Variants in PKIB observed in about 807,000 individuals in gnomAD.
PKIB encodes the protein cAMP-dependent protein kinase inhibitor beta.
In PKIB, 2 loss-of-function variants were observed where a neutral mutation model predicts 4.5. That is an observed-to-expected ratio of 0.44 (90% CI 0.18 to 1.39). The LOEUF is 1.39. Ranked by LOEUF, PKIB falls within the 40% of genes most tolerant of loss-of-function variation. PKIB has a pLI of 0.27. For missense variants in PKIB, 94 were observed against 92.6 expected, an observed-to-expected ratio of 1.02 and a Z score of -0.06; for synonymous variants, 38 against 36.0, an observed-to-expected ratio of 1.06 and a Z score of -0.20.
Position 122,658,249 on chromosome 6 carries a change from T to TTA in PKIB, c.-75-16829_-75-16828insTA, listed in dbSNP as rs1776850565. ...GTTTGGGCCAAGTCATGTATATTATTCCTTGACAACATCAGGCACACATGA... is the reference window on the plus strand; with the variant it reads ...GTTTGGGCCAAGTCATGTATATTATTTACCTTGACAACATCAGGCACACATGA... On this transcript the variant is annotated intron_variant, in intron 2 of 4. Transcript: ENST00000368452. 2.6e-5 allele frequency among the ~76,000 whole-genome samples: 4 copies of TTA among 152,302 alleles called. 1 individual carries two copies. In the East Asian group the frequency reaches 5.8e-4, roughly 22 times the overall value.
exon 1 of PKIB, chr6:122,472,004 A>T (rs1775318319): frequency 1.3e-6 from 1 of 744,182 alleles, no homozygotes; most frequent in Admixed American, 3.4e-5. Context: ...TTAACGGCTA[A>T]TGTGGATCTG....
At chr6:122,571,027 T>G (rs925220070) in intron 2 of PKIB, among the ~76,000 whole-genome samples, 1 of 150,158 alleles carries the variant, frequency 6.7e-6, no homozygotes, top group African/African-American at 2.5e-5. Context: ...ATGAAAAAAT[T>G]TTCAGAGAGA....
intron 2 of PKIB, among the ~76,000 whole-genome samples, chr6:122,521,460 C>G (rs1346934102): frequency 6.6e-6 from 1 of 152,008 alleles, no homozygotes; most frequent in Non-Finnish European, 1.5e-5. Context: ...GCAGGCAGAT[C>G]ACGAGGTCAG....
chr6:122,514,048 C>T (rs1238788411), intron 2 of PKIB, among the ~76,000 whole-genome samples: 1 of 152,138 alleles, frequency 6.6e-6, no homozygotes, highest in East Asian at 1.9e-4. Flanking sequence ...GACTGATAAT[C>T]ACAGACAGGA....
intron 2 of PKIB, among the ~76,000 whole-genome samples, chr6:122,535,998 G>T (rs1029787732): frequency 4.6e-5 from 7 of 152,172 alleles, no homozygotes; most frequent in Non-Finnish European, 1.0e-4. Flanking sequence ...TTGAAGCGCA[G>T]TGGCGATCTC....
chr6:122,512,929 T>G (rs911493954), intron 2 of PKIB, among the ~76,000 whole-genome samples: 1 of 152,234 alleles, frequency 6.6e-6, no homozygotes, highest in African/African-American at 2.4e-5. Flanking sequence ...CTCCCTTTCA[T>G]AGTTTTCTCC....
intron 3 of PKIB, among the ~76,000 whole-genome samples, chr6:122,603,760 C>T (rs1395375768): frequency 6.6e-6 from 1 of 152,192 alleles, no homozygotes; most frequent in Non-Finnish European, 1.5e-5. Flanking sequence ...GGATTACAGG[C>T]ATGAACGACC....
chr6:122,609,745 T>G (rs935198095), upstream of PKIB, among the ~76,000 whole-genome samples: 1 of 152,220 alleles, frequency 6.6e-6, no homozygotes, highest in Admixed American at 6.5e-5. Flanking sequence ...AAAAGCACAG[T>G]GAGACCTTAG....
chr6:122,501,955 T>A lies in PKIB; in HGVS notation c.-248+24016T>A, dbSNP rs569416575. On this transcript the variant is annotated intron_variant, in intron 2 of 6. Coordinates refer to the PKIB transcript ENST00000392491. ...TTTTTTTTTTTTTTTTTTTTAATTT[T>A]ATTTTATTTTTTTCGAGATGGAGTT... Among the ~76,000 whole-genome samples, 458 of 150,682 alleles carry A rather than the reference T, an allele frequency of 3.0e-3. 2 individuals carry two copies. The highest frequency in any genetic ancestry group is 7.1e-3 in the African/African-American group (294 of 41,148).
At chr6:122,476,106 C>T (rs1775446027) in intron 1 of PKIB, among the ~76,000 whole-genome samples, 1 of 152,060 alleles carries the variant, frequency 6.6e-6, no homozygotes. Context: ...TACATCAACA[C>T]TAAATATAAT....
intron 2 of PKIB, among the ~76,000 whole-genome samples, chr6:122,509,676 C>T (rs1182083902): frequency 6.6e-6 from 1 of 151,784 alleles, no homozygotes; most frequent in African/African-American, 2.4e-5. Flanking sequence ...CGTGATCTGC[C>T]CACCTCGGCC....
intron 2 of PKIB, among the ~76,000 whole-genome samples, chr6:122,552,593 G>A (rs985678895): frequency 2.6e-5 from 4 of 151,972 alleles, no homozygotes; most frequent in Admixed American, 6.6e-5. Context: ...TGCCAGGCTC[G>A]TCTCAAACTC....
rs954070089 is a variant in PKIB at position 122,660,278 on chromosome 6, A to G, written c.-75-14800A>G. ...GCCCTTTACTTTGAAAGACAAGATG[A>G]TATGTTGGAAGAAACACTAGGCTGA... is the stretch of plus-strand genomic sequence containing the variant. On this transcript the variant is annotated intron_variant, in intron 2 of 4. Coordinates refer to ENST00000368452, the MANE Select transcript of PKIB (RefSeq NM_181795.3). 2.0e-5 allele frequency among the ~76,000 whole-genome samples: 3 copies of G among 152,212 alleles called. No individual in the cohort carries two copies. In the East Asian group the frequency reaches 5.8e-4, roughly 29 times the overall value.
At chr6:122,556,560 C>T (rs1772848053) in intron 2 of PKIB, among the ~76,000 whole-genome samples, 1 of 152,132 alleles carries the variant, frequency 6.6e-6, no homozygotes, top group Non-Finnish European at 1.5e-5. Flanking sequence ...GTCCATGCTC[C>T]CATACAAGCT....
intron 2 of PKIB, among the ~76,000 whole-genome samples, chr6:122,497,106 A>G (rs1776094210): frequency 6.6e-6 from 1 of 152,224 alleles, no homozygotes; most frequent in Non-Finnish European, 1.5e-5. Context: ...TCCAATCAAG[A>G]ATTTTATATC....
intron 3 of PKIB, among the ~76,000 whole-genome samples, chr6:122,598,929 AT>A (rs1774265729): frequency 6.6e-6 from 1 of 152,126 alleles, no homozygotes. Flanking sequence ...CATACCCCTA[AT>A]ATCCATTCCC....
intron 2 of PKIB, among the ~76,000 whole-genome samples, chr6:122,642,013 T>C (rs1211414426): frequency 2.0e-5 from 3 of 152,210 alleles, no homozygotes; most frequent in African/African-American, 4.8e-5. Context: ...AATTTTGAAT[T>C]GAGCTTCAGC....
At chr6:122,628,065 G>C (rs537991305) in intron 1 of PKIB, among the ~76,000 whole-genome samples, 1 of 148,162 alleles carries the variant, frequency 6.7e-6, no homozygotes, top group African/African-American at 2.5e-5. Flanking sequence ...TTGAGACAGA[G>C]TTTTGCTCTT....
At chr6:122,503,209 T>C (rs2114563263) in intron 2 of PKIB, among the ~76,000 whole-genome samples, 1 of 152,320 alleles carries the variant, frequency 6.6e-6, no homozygotes, top group East Asian at 1.9e-4. Flanking sequence ...AGGATTTCAG[T>C]ATATAAATTT....
Sources: allele counts gnomAD v4.1 joint callset (sites outside exome capture counted in the v4.1 genomes callset), GRCh38; gene constraint gnomAD v4.1.1; transcripts MANE v1.5; gene names NCBI Gene and HGNC (gene_info 2026-07-23, HGNC 2026-07-21).